GALNT13: variants seen among roughly 807,000 people sequenced by gnomAD.
The protein encoded by GALNT13 is UDP-GalNAc:polypeptide N-acetylgalactosaminyltransferase 13.
Under a neutral mutation model 64.2 loss-of-function variants are expected in GALNT13, and 28 were observed. The observed-to-expected ratio is 0.44, with a 90% CI of 0.32 to 0.60. The LOEUF is 0.60. Among genes scored for constraint, GALNT13 ranks in the 20% least tolerant of loss-of-function variants. The pLI is 0.05. For synonymous variants in GALNT13, 214 were observed against 224.6 expected, an observed-to-expected ratio of 0.95 and a Z score of 0.42; for missense variants, 577 against 669.8, an observed-to-expected ratio of 0.86 and a Z score of 1.53.
At chr2:154,237,418 C>T (rs1376139089) in intron 4 of GALNT13, among the ~76,000 whole-genome samples, 1 of 150,950 alleles carries the variant, frequency 6.6e-6, no homozygotes, top group African/African-American at 2.4e-5. Context: ...GTTTTAAGTA[C>T]TTATCCCCAC....
At chr2:154,211,883 A>G (rs1687794020) in intron 4 of GALNT13, among the ~76,000 whole-genome samples, 1 of 152,080 alleles carries the variant, frequency 6.6e-6, no homozygotes. Context: ...AGCATGGGTC[A>G]AGAAAGACAA....
the GALNT13 span, among the ~76,000 whole-genome samples, chr2:153,628,028 G>A: frequency 1.3e-5 from 2 of 152,204 alleles, no homozygotes; most frequent in South Asian, 4.1e-4. Flanking sequence ...ATTTCATTGA[G>A]CAGTGGTTTG....
At chr2:153,743,502 C>G in the GALNT13 span, among the ~76,000 whole-genome samples, 1 of 132,062 alleles carries the variant, frequency 7.6e-6, no homozygotes, top group Non-Finnish European at 1.7e-5. Flanking sequence ...TTCAAGAGCA[C>G]TTTTCTTTGA....
intron 4 of GALNT13, among the ~76,000 whole-genome samples, chr2:154,238,118 C>T (rs761115642): frequency 7.2e-5 from 11 of 151,992 alleles, no homozygotes; most frequent in South Asian, 2.1e-4. Flanking sequence ...TAACAAGATC[C>T]GCACATAATT....
the GALNT13 span, among the ~76,000 whole-genome samples, chr2:153,576,598 G>A: frequency 6.6e-6 from 1 of 152,266 alleles, no homozygotes; most frequent in African/African-American, 2.4e-5. Flanking sequence ...CATAGATGCT[G>A]TCTGCACCAT....
chr2:153,873,566 G>A (rs1381990442), intron 1 of GALNT13, among the ~76,000 whole-genome samples: 4 of 152,304 alleles, frequency 2.6e-5, no homozygotes, highest in Admixed American at 1.3e-4. Context: ...AGGCAAAGGT[G>A]TTGCTAGCAG....
At chr2:154,425,480 G>A (rs1700430750) in intron 11 of GALNT13, among the ~76,000 whole-genome samples, 1 of 152,164 alleles carries the variant, frequency 6.6e-6, no homozygotes, top group Non-Finnish European at 1.5e-5. Flanking sequence ...GGCATAAAGG[G>A]AAACTATGTA....
At chr2:153,887,519 T>C (rs1048993623) in intron 1 of GALNT13, among the ~76,000 whole-genome samples, 1 of 151,564 alleles carries the variant, frequency 6.6e-6, no homozygotes, top group Non-Finnish European at 1.5e-5. Flanking sequence ...TATTGAGAAA[T>C]CTTACTTGAG....
intron 11 of GALNT13, among the ~76,000 whole-genome samples, chr2:154,434,494 C>T (rs1415433683): frequency 1.3e-5 from 2 of 152,092 alleles, no homozygotes; most frequent in African/African-American, 4.8e-5. Flanking sequence ...CTCCTGACCT[C>T]GTGATCCATG....
intron 9 of GALNT13, among the ~76,000 whole-genome samples, chr2:154,350,532 T>C (rs1459999791): frequency 1.3e-5 from 2 of 152,128 alleles, no homozygotes; most frequent in African/African-American, 4.8e-5. Context: ...ACTTTTGAGG[T>C]TTGGGGACTT....
chr2:153,181,030 CTTTT>C, the GALNT13 span, among the ~76,000 whole-genome samples: 130 of 32,076 alleles, frequency 4.1e-3, 2 homozygotes, highest in South Asian at 0.022. Context: ...TTTATTGTTT[CTTTT>C]TTTTTTTTTT....
chr2:153,722,634 C>T, the GALNT13 span, among the ~76,000 whole-genome samples: 5 of 152,046 alleles, frequency 3.3e-5, no homozygotes, highest in African/African-American at 1.2e-4. Flanking sequence ...CACCACCGAT[C>T]CCACAGAAAT....
chr2:153,786,523 C>T, the GALNT13 span, among the ~76,000 whole-genome samples: 2 of 151,982 alleles, frequency 1.3e-5, no homozygotes, highest in South Asian at 2.1e-4. Context: ...TCCCTGCTGC[C>T]CTTGGGGAAG....
intron 3 of GALNT13, among the ~76,000 whole-genome samples, chr2:154,012,535 A>G (rs1201429994): frequency 6.6e-6 from 1 of 152,112 alleles, no homozygotes; most frequent in Non-Finnish European, 1.5e-5. Context: ...TCTGATAAGT[A>G]TGTACCTTGG....
At chr2:153,420,302 A>G in the GALNT13 span, among the ~76,000 whole-genome samples, 1 of 152,190 alleles carries the variant, frequency 6.6e-6, no homozygotes, top group African/African-American at 2.4e-5. Flanking sequence ...TAAGGTTGAT[A>G]GATTAGAAAT....
chr2:153,917,348 A>G (rs1689431011), intron 2 of GALNT13, among the ~76,000 whole-genome samples: 1 of 152,174 alleles, frequency 6.6e-6, no homozygotes, highest in Non-Finnish European at 1.5e-5. Context: ...TAGCGGTAAT[A>G]TAGAATCAGG....
chr2:153,221,735 C>G, the GALNT13 span, among the ~76,000 whole-genome samples: 2 of 152,158 alleles, frequency 1.3e-5, no homozygotes, highest in Non-Finnish European at 2.9e-5. Context: ...AGCCACTGCG[C>G]ACAGCCAGGC....
chr2:153,279,204 A>AT, the GALNT13 span, among the ~76,000 whole-genome samples: 1 of 152,114 alleles, frequency 6.6e-6, no homozygotes, highest in African/African-American at 2.4e-5. Context: ...TTGTACACTG[A>AT]TTTTGTATCC....
At chr2:153,436,579 T>C in the GALNT13 span, among the ~76,000 whole-genome samples, 1 of 152,200 alleles carries the variant, frequency 6.6e-6, no homozygotes, top group African/African-American at 2.4e-5. Flanking sequence ...GTACAGGAAT[T>C]TATCCATTTC....
Sources: gnomAD v4.1 joint callset for allele counts (sites outside exome capture counted in the v4.1 genomes callset) on GRCh38, gnomAD v4.1.1 for gene constraint, MANE v1.5 for transcripts, NCBI Gene and HGNC (gene_info 2026-07-23, HGNC 2026-07-21) for gene names.